DLGAP1: variants seen among roughly 807,000 people sequenced by gnomAD.
DLGAP1 encodes the protein disks large-associated protein 1.
A neutral mutation model predicts 90.8 loss-of-function variants in DLGAP1; 11 were observed. The ratio of observed to expected loss-of-function variants is 0.12; its 90% confidence interval spans 0.08 to 0.20. DLGAP1 has a LOEUF of 0.20. Ranked by LOEUF, DLGAP1 falls within the 10% of genes least tolerant of loss-of-function variation. DLGAP1 has a pLI of 1.00. For synonymous variants in DLGAP1, 558 were observed against 540.7 expected (o/e 1.03, Z -0.44); for missense variants, 1,050 against 1,333.8 (o/e 0.79, Z 3.31).
intron 8 of DLGAP1, among the ~76,000 whole-genome samples, chr18:3,573,620 C>T (rs491341): frequency 0.12 from 17,642 of 151,338 alleles, 1,166 homozygotes; most frequent in East Asian, 0.17. Context: ...AAGTCCGTAA[C>T]ATTTGTGAAA....
chr18:3,990,996 A>T (rs1454176187), intron 3 of DLGAP1, among the ~76,000 whole-genome samples: 2 of 151,952 alleles, frequency 1.3e-5, no homozygotes, highest in Non-Finnish European at 2.9e-5. Flanking sequence ...TTCCTTTCCA[A>T]CTTTTATTTT....
intron 1 of DLGAP1, among the ~76,000 whole-genome samples, chr18:4,240,874 C>T (rs2078520169): frequency 6.6e-6 from 1 of 152,264 alleles, no homozygotes; most frequent in South Asian, 2.1e-4. Context: ...TGCAATCATA[C>T]GAACTTACAC....
At chr18:3,689,857 C>T (rs879169413) in intron 7 of DLGAP1, among the ~76,000 whole-genome samples, 6 of 152,022 alleles carry the variant, frequency 3.9e-5, no homozygotes, top group South Asian at 4.2e-4. Flanking sequence ...TTAGAGTCCT[C>T]GATATGTTAA....
chr18:3,907,332 C>A (rs1023324331), intron 3 of DLGAP1, among the ~76,000 whole-genome samples: 2 of 152,188 alleles, frequency 1.3e-5, no homozygotes, highest in African/African-American at 4.8e-5. Context: ...ATTTCTTGAA[C>A]CTCAGTTTAT....
At chr18:3,866,276 G>C (rs573821276) in intron 4 of DLGAP1, among the ~76,000 whole-genome samples, 1 of 152,254 alleles carries the variant, frequency 6.6e-6, no homozygotes, top group South Asian at 2.1e-4. Context: ...TCCAAGCTCA[G>C]AATACAGATC....
At chr18:4,257,823 C>A (rs1385337578) in intron 1 of DLGAP1, among the ~76,000 whole-genome samples, 1 of 151,562 alleles carries the variant, frequency 6.6e-6, no homozygotes, top group Non-Finnish European at 1.5e-5. Flanking sequence ...CCAGGTTTCA[C>A]TATGTTGGCC....
intron 5 of DLGAP1, among the ~76,000 whole-genome samples, chr18:3,808,178 G>A (rs2066657409): frequency 6.6e-6 from 1 of 152,198 alleles, no homozygotes; most frequent in Non-Finnish European, 1.5e-5. Context: ...TAGATAATTT[G>A]TAGATGAGCA....
intron 1 of DLGAP1, among the ~76,000 whole-genome samples, chr18:4,370,803 T>C (rs1452886389): frequency 6.6e-6 from 1 of 152,168 alleles, no homozygotes; most frequent in Non-Finnish European, 1.5e-5. Context: ...TTTGTGATAT[T>C]CATGTAATAC....
intron 4 of DLGAP1, among the ~76,000 whole-genome samples, chr18:3,870,586 C>T (rs1026859137): frequency 4.6e-5 from 7 of 151,446 alleles, no homozygotes; most frequent in Non-Finnish European, 8.8e-5. Context: ...TCACACCATA[C>T]ATATTTTATA....
intron 1 of DLGAP1, among the ~76,000 whole-genome samples, chr18:4,259,804 G>T (rs971450190): frequency 2.6e-5 from 4 of 152,192 alleles, no homozygotes; most frequent in African/African-American, 9.7e-5. Flanking sequence ...TGTGCCCTTA[G>T]AGAGAGGATG....
At chr18:3,941,270 C>T (rs1184327873) in intron 3 of DLGAP1, among the ~76,000 whole-genome samples, 1 of 152,164 alleles carries the variant, frequency 6.6e-6, no homozygotes, top group Admixed American at 6.5e-5. Flanking sequence ...ATGGTTTGCA[C>T]TTGTCAGACA....
chr18:4,190,505 C>T (rs2077377497), intron 1 of DLGAP1, among the ~76,000 whole-genome samples: 1 of 152,062 alleles, frequency 6.6e-6, no homozygotes, highest in Non-Finnish European at 1.5e-5. Flanking sequence ...ACAAAGAGAA[C>T]TCTAATGTAA....
At chr18:4,035,490 T>C (rs1301884199) in intron 2 of DLGAP1, among the ~76,000 whole-genome samples, 2 of 152,146 alleles carry the variant, frequency 1.3e-5, no homozygotes, top group African/African-American at 4.8e-5. Context: ...CCATGGCTAC[T>C]GATGAGAAAA....
At chr18:4,247,701 T>C (rs2078683510) in intron 1 of DLGAP1, among the ~76,000 whole-genome samples, 1 of 152,056 alleles carries the variant, frequency 6.6e-6, no homozygotes, top group South Asian at 2.1e-4. Context: ...CACTTAAACC[T>C]GGGAGATGGA....
intron 4 of DLGAP1, among the ~76,000 whole-genome samples, chr18:3,859,579 G>C (rs2069897038): frequency 6.6e-6 from 1 of 152,162 alleles, no homozygotes; most frequent in African/African-American, 2.4e-5. Context: ...AAGTCAGAGC[G>C]AGAGTTGTGG....
Position 3,911,972 on chromosome 18 carries a change from T to C in DLGAP1, c.-72-31832A>G, listed in dbSNP as rs548176897. Among the ~76,000 whole-genome samples, 70 of 152,344 alleles carry C rather than the reference T, an allele frequency of 4.6e-4. No homozygotes were observed. The Middle Eastern group carries it at 0.01, about 22-fold the overall frequency. On this transcript the variant is annotated intron_variant, in intron 3 of 12. Coordinates refer to ENST00000315677, the MANE Select transcript of DLGAP1 (RefSeq NM_004746.4). ...AGCATCACTTGGGAGCTTGTTAGAA[T>C]GCAAATTCTCAGATTCAAGTCCTGT...
rs145151856 is a variant in DLGAP1 at position 4,011,569 on chromosome 18, C to A, written c.-158-6368G>T. The stretch of plus-strand genomic sequence containing the variant: ...TGGTGGCTCATGTCTGTAATCCCAG[C>A]ACTTTGGGAGGCTGAGGCAGGAGGA... On this transcript the variant is annotated intron_variant, in intron 2 of 12. Coordinates refer to ENST00000315677, the MANE Select transcript of DLGAP1 (RefSeq NM_004746.4). 6.8e-3 allele frequency among the ~76,000 whole-genome samples: 1,031 copies of A among 152,184 alleles called. 8 individuals carry two copies. Among genetic ancestry groups the A allele is most frequent in the South Asian group, 0.02 (94 of 4,812 alleles).
intron 1 of DLGAP1, among the ~76,000 whole-genome samples, chr18:4,204,208 GTACTAAGGAGCAAACTCTTTT>G (rs1484382804): frequency 6.6e-6 from 1 of 152,144 alleles, no homozygotes; most frequent in Non-Finnish European, 1.5e-5. Context: ...GTTTGAATAG[GTACTAAGGAGCAAACTCTTTT>G]AAGATAATCT....
Position 3,496,525 on chromosome 18 carries a change from ATACT to A in DLGAP1, c.*2656_*2659del, listed in dbSNP as rs1250366518. On this transcript the variant is annotated 3_prime_UTR_variant, in exon 13 of 13. Coordinates refer to ENST00000315677, the MANE Select transcript of DLGAP1 (RefSeq NM_004746.4). Reference sequence around the variant, plus strand: ...GAAACATCTGCAAAAAATATAATAAATACTTAATTTCTTTGAACGTTTTTTGATG... The same window carrying A: ...GAAACATCTGCAAAAAATATAATAAATAATTTCTTTGAACGTTTTTTGATG... The A allele has an allele frequency of 1.3e-4, 20 of 152,308 alleles. No individual in the cohort carries two copies. The highest frequency in any genetic ancestry group is 3.9e-4 in the East Asian group (2 of 5,194). The allele number at this position is 152,308 out of a possible 1,614,324, so 9.4% of individuals were successfully genotyped here.
Sources: allele counts gnomAD v4.1 joint callset (sites outside exome capture counted in the v4.1 genomes callset), GRCh38; gene constraint gnomAD v4.1.1; transcripts MANE v1.5; gene names NCBI Gene and HGNC (gene_info 2026-07-23, HGNC 2026-07-21).